POLR3A: variants seen among roughly 807,000 people sequenced by gnomAD.
POLR3A encodes DNA-directed RNA polymerase III subunit RPC1.
A neutral mutation model predicts 152.8 loss-of-function variants in POLR3A; 112 were observed. The ratio of observed to expected loss-of-function variants is 0.73; its 90% CI spans 0.63 to 0.86. The LOEUF is 0.86. Among genes scored for constraint, POLR3A ranks in the 40% least tolerant of loss-of-function variants. The probability of loss-of-function intolerance (pLI) is 0.00; values close to 1 mark genes in which losing one functional copy is unlikely to be tolerated. For missense variants in POLR3A, 1,385 were observed against 1,743.1 expected (o/e 0.79, Z 3.66); for synonymous variants, 615 against 652.1 (o/e 0.94, Z 0.87).
chr10:77,989,858 A>G, intron 21 of POLR3A, among the ~76,000 whole-genome samples: 1 of 152,220 alleles, frequency 6.6e-6, no homozygotes, highest in East Asian at 1.9e-4. Flanking sequence ...AAAAAAAAAG[A>G]ATAAGAAAGC....
intron 19 of POLR3A, among the ~76,000 whole-genome samples, chr10:77,996,781 A>G (rs1847305187): frequency 6.6e-6 from 1 of 152,228 alleles, no homozygotes; most frequent in Non-Finnish European, 1.5e-5. Flanking sequence ...CAATCAATAG[A>G]AAAAGAGGGA....
intron 10 of POLR3A, among the ~76,000 whole-genome samples, chr10:78,014,232 G>A (rs1170232744): frequency 2.0e-5 from 3 of 151,766 alleles, no homozygotes; most frequent in Non-Finnish European, 4.4e-5. Flanking sequence ...TTCAACAAAG[G>A]CGCCAGTGTG....
At chr10:78,001,324 C>A (rs186206975) in intron 17 of POLR3A, among the ~76,000 whole-genome samples, 60 of 152,172 alleles carry the variant, frequency 3.9e-4, no homozygotes, top group African/African-American at 1.3e-3. Context: ...GGAGGAAAGG[C>A]TGGGGAAGTG....
chr10:77,993,378 A>G lies in POLR3A; in HGVS notation c.2617-11T>C. On this transcript the variant is annotated splice_polypyrimidine_tract_variant and intron_variant, in intron 19 of 30. Coordinates refer to ENST00000372371, the MANE Select transcript of POLR3A (RefSeq NM_007055.4). Reference sequence around the variant, plus strand: ...TTTGACAAGCCTTCGCTAAAGGAAAAGGAGGAAAAAGCTCAGCTGCTTTGA... The same window carrying G: ...TTTGACAAGCCTTCGCTAAAGGAAAGGGAGGAAAAAGCTCAGCTGCTTTGA... 6.2e-7 allele frequency: 1 copy of G among 1,611,166 alleles called. No homozygotes were observed. Among genetic ancestry groups the G allele is most frequent in the Non-Finnish European group, 8.5e-7 (1 of 1,177,394 alleles).
At chr10:78,007,196 C>T (rs1029000821) in intron 15 of POLR3A, among the ~76,000 whole-genome samples, 1 of 152,158 alleles carries the variant, frequency 6.6e-6, no homozygotes, top group African/African-American at 2.4e-5. Flanking sequence ...AAATAATTTT[C>T]AATCTAAAAT....
chr10:77,984,147 A>G (rs1589303746), intron 25 of POLR3A, 58 bp downstream of exon 25: 7 of 1,308,934 alleles, frequency 5.3e-6, no homozygotes, highest in Admixed American at 3.4e-5. Context: ...TGATTTTTAC[A>G]CTTCCTTGCA....
Position 78,024,538 on chromosome 10 carries a change from C to T in POLR3A, c.645+11G>A. ...GGCAGGCGGAAGGCAGGCGTGCATT[C>T]TCAGGCTCACCTGTGCCCTTCCCAG... On this transcript the variant is annotated intron_variant, in intron 5 of 30. Transcript: ENST00000372371. 2 of 1,612,676 alleles carry T rather than the reference C, an allele frequency of 1.2e-6. No homozygotes were observed. Among genetic ancestry groups the T allele is most frequent in the South Asian group, 2.2e-5 (2 of 90,998 alleles).
At chr10:77,997,505 T>A (rs906848602) in intron 19 of POLR3A, among the ~76,000 whole-genome samples, 16 of 152,134 alleles carry the variant, frequency 1.1e-4, no homozygotes, top group Admixed American at 5.9e-4. Flanking sequence ...AGCATTCTTA[T>A]ACACCAATAA....
At chr10:78,016,713 CAAAA>C (rs140941978) in intron 10 of POLR3A, among the ~76,000 whole-genome samples, 3 of 79,532 alleles carry the variant, frequency 3.8e-5, no homozygotes, top group Admixed American at 1.5e-4. Context: ...GACTCTGTCT[CAAAA>C]AAAAAAAAAA....
intron 4 of POLR3A, 71 bp from the exon 5 acceptor site, chr10:78,024,774 G>T: frequency 6.9e-7 from 1 of 1,451,004 alleles, no homozygotes; most frequent in Non-Finnish European, 9.6e-7. Flanking sequence ...TTGTAGTATG[G>T]TTAATGAAAT....
intron 21 of POLR3A, among the ~76,000 whole-genome samples, chr10:77,987,931 G>T (rs943078697): frequency 5.9e-5 from 9 of 152,198 alleles, no homozygotes; most frequent in Non-Finnish European, 1.5e-5. Context: ...CTTGGCCAAG[G>T]CAACCAACCA....
rs1847187324 is a variant in POLR3A at position 77,985,415 on chromosome 10, T to A, written c.3072-75A>T. 2.7e-6 allele frequency: 3 copies of A among 1,128,844 alleles called. No homozygotes were observed. The Admixed American group carries it at 5.1e-5, about 19-fold the overall frequency. 69.9% of individuals were successfully genotyped at this position (1,128,844 alleles called of 1,614,324 possible). A position where few individuals can be genotyped will look rare whatever the true frequency, so the allele number is the denominator to read the frequency against. The stretch of plus-strand genomic sequence containing the variant: ...AGCAAAACTGCTGGGGAGAGGCTTC[T>A]GGTTATCACCTTTCAACAGAGAATA... On this transcript the variant is annotated intron_variant, in intron 23 of 30. Transcript: ENST00000372371.
At chr10:77,997,901 C>CTA (rs199869451) in intron 19 of POLR3A, among the ~76,000 whole-genome samples, 19,018 of 151,600 alleles carry the variant, frequency 0.13, 2,304 homozygotes, top group African/African-American at 0.31. Context: ...TGACTTCAAA[C>CTA]TACACAAGGC....
chr10:77,994,498 TAAAAA>T (rs35711002), intron 19 of POLR3A, among the ~76,000 whole-genome samples: 2 of 121,080 alleles, frequency 1.7e-5, no homozygotes, highest in Admixed American at 1.7e-4. Flanking sequence ...AAACATTACT[TAAAAA>T]AAAAAAAAAA....
At chr10:78,001,246 A>G (rs1030868744) in intron 17 of POLR3A, 152 bp from the exon 18 acceptor site, 3 of 597,482 alleles carry the variant, frequency 5.0e-6, no homozygotes, top group African/African-American at 3.7e-5. Context: ...AATCAAGACA[A>G]CAAGGAGCTG....
At chr10:78,019,327 T>C in intron 8 of POLR3A, 62 bp from the exon 9 acceptor site, 2 of 1,080,830 alleles carry the variant, frequency 1.9e-6, no homozygotes, top group East Asian at 2.4e-5. Context: ...CAAATGATAC[T>C]GAAATGCGTC....
chr10:77,991,731 G>A (rs1317928095), intron 20 of POLR3A, among the ~76,000 whole-genome samples: 1 of 152,056 alleles, frequency 6.6e-6, no homozygotes, highest in Non-Finnish European at 1.5e-5. Flanking sequence ...CACCATGTTG[G>A]CCAGGCTGGT....
At chr10:78,002,073 T>G (rs1268674645) in intron 17 of POLR3A, 124 bp downstream of exon 17, 13 of 633,230 alleles carry the variant, frequency 2.1e-5, no homozygotes, top group Non-Finnish European at 3.6e-5. Flanking sequence ...TCTCTCTCTC[T>G]GATTTAAAAA....
chr10:78,020,895 C>T (rs1323068737), intron 8 of POLR3A, among the ~76,000 whole-genome samples: 1 of 152,164 alleles, frequency 6.6e-6, no homozygotes, highest in East Asian at 1.9e-4. Context: ...AAAAATCTAT[C>T]CCAAGAAAAT....
Sources: allele counts gnomAD v4.1 joint callset (sites outside exome capture counted in the v4.1 genomes callset), GRCh38; gene constraint gnomAD v4.1.1; transcripts MANE v1.5; gene names NCBI Gene and HGNC (gene_info 2026-07-23, HGNC 2026-07-21).